Variants in AAK1 observed in about 807,000 individuals in gnomAD.
AAK1 encodes the protein AP2-associated protein kinase 1.
In AAK1, 37 loss-of-function variants were observed where a neutral mutation model predicts 116.0. The observed-to-expected ratio is 0.32, with a 90% CI of 0.25 to 0.42. The LOEUF is 0.42. Ranked by LOEUF, AAK1 falls within the 10% of genes least tolerant of loss-of-function variation. AAK1 has a pLI of 1.00. For synonymous variants in AAK1, 458 were observed against 439.9 expected, an observed-to-expected ratio of 1.04 and a Z score of -0.51; for missense variants, 919 against 1,170.6, an observed-to-expected ratio of 0.79 and a Z score of 3.14.
At position 69,474,388 on chromosome 2, in the gene AAK1, A is replaced by C. The variant is rs1674778376; in HGVS notation, c.*1481T>G. On this transcript the variant is annotated 3_prime_UTR_variant, in exon 22 of 22. Transcript: ENST00000409085. ...CTTTTCAAAAGGGTGATTTTATAAAAGTGCTTTCCACATAAGGAAATAAAA... is the reference window on the plus strand; with the variant it reads ...CTTTTCAAAAGGGTGATTTTATAAACGTGCTTTCCACATAAGGAAATAAAA... 1.0e-6 allele frequency: 1 copy of C among 985,680 alleles called. No individual in the cohort carries two copies. The highest frequency in any genetic ancestry group is 1.2e-6 in the Non-Finnish European group (1 of 829,936). 61.1% of individuals were successfully genotyped at this position (985,680 alleles called of 1,614,324 possible). A position where few individuals can be genotyped will look rare whatever the true frequency, so the allele number is the denominator to read the frequency against.
chr2:69,542,411 A>C, intron 5 of AAK1, 112 bp downstream of exon 5: 1 of 1,327,514 alleles, frequency 7.5e-7, no homozygotes, highest in South Asian at 1.4e-5. Context: ...TAAACATAAA[A>C]ACAGGGACCA....
intron 2 of AAK1, among the ~76,000 whole-genome samples, chr2:69,622,964 A>G (rs981591744): frequency 1.4e-5 from 2 of 147,732 alleles, no homozygotes; most frequent in Admixed American, 1.3e-4. Context: ...AATCAGCAGA[A>G]TGTGGGTGGG....
chr2:69,507,660 C>A, intron 14 of AAK1, 82 bp from the exon 15 acceptor site: 1 of 1,231,138 alleles, frequency 8.1e-7, no homozygotes, highest in Non-Finnish European at 1.1e-6. Context: ...TTCTCTGTTT[C>A]AGAATCAAAT....
Position 69,474,067 on chromosome 2 carries a change from G to C in AAK1, c.*1802C>G. On this transcript the variant is annotated 3_prime_UTR_variant, in exon 22 of 22. Transcript: ENST00000409085. The stretch of plus-strand genomic sequence containing the variant: ...CACGGGAAGTATTTAAAGACAGAAG[G>C]AAGGCTGGAAGATTCAGACTTTTCC... The C allele has an allele frequency of 2.0e-6, 2 of 985,884 alleles. No individual in the cohort carries two copies. Among genetic ancestry groups the C allele is most frequent in the Non-Finnish European group, 2.4e-6 (2 of 829,936 alleles). The allele number at this position is 985,884 out of a possible 1,614,324, so 61.1% of individuals were successfully genotyped here. A position where few individuals can be genotyped will look rare whatever the true frequency, so the allele number is the denominator to read the frequency against.
intron 19 of AAK1, among the ~76,000 whole-genome samples, chr2:69,479,611 T>C (rs1333130956): frequency 6.6e-6 from 1 of 152,182 alleles, no homozygotes; most frequent in Admixed American, 6.5e-5. Flanking sequence ...CTCTGGCTTA[T>C]TATTAGCAGA....
At position 69,514,581 on chromosome 2, in the gene AAK1, G is replaced by C; in HGVS notation, c.1666C>G (p.Leu556Val). Residue 556 changes from leucine (L) to valine (V), a missense_variant, in exon 13 of 22, where the codon CTG becomes GTG. Around this residue, in one of 4 missense-constraint regions of AAK1, gnomAD observed 214 missense variants for 210.6 expected, o/e 1.02. Coordinates refer to ENST00000409085, the MANE Select transcript of AAK1 (RefSeq NM_014911.5). ...TGCAAGGCAGCCTGCTGAGTCATCA[G>C]CTGTTGTTGATGCAGGGCTGTGGCC... ...QLATALHQQQ[L>V]MTQQAALQQK... 1.3e-6 allele frequency: 2 copies of C among 1,576,540 alleles called. No homozygotes were observed. The highest frequency in any genetic ancestry group is 1.7e-6 in the Non-Finnish European group (2 of 1,161,022).
intron 2 of AAK1, among the ~76,000 whole-genome samples, chr2:69,628,975 A>T (rs767190477): frequency 8.5e-5 from 13 of 152,292 alleles, no homozygotes; most frequent in Non-Finnish European, 1.5e-4. Context: ...TCATTTTATA[A>T]CTCAGCTGCT....
chr2:69,500,698 T>TACACACACAC lies in AAK1; in HGVS notation c.2270-4628_2270-4619dup, dbSNP rs563907265. ...ATATATATATATATATATATATATA[T>TACACACACAC]ACACACACACACACACACACACACA... On this transcript the variant is annotated intron_variant, in intron 16 of 21. Transcript: ENST00000409085. 8.6e-4 allele frequency among the ~76,000 whole-genome samples: 56 copies of TACACACACAC among 65,102 alleles called. 1 individual carries two copies. The highest frequency in any genetic ancestry group is 3.9e-3 in the African/African-American group (50 of 12,662). 42.7% of individuals were successfully genotyped at this position (65,102 alleles called of 152,430 possible).
intron 12 of AAK1, 66 bp downstream of exon 12, chr2:69,518,887 AC>A: frequency 6.8e-7 from 1 of 1,469,210 alleles, no homozygotes; most frequent in Non-Finnish European, 9.0e-7. Flanking sequence ...AGACACCTTT[AC>A]CTAGTGGGCC....
chr2:69,532,190 C>T, intron 5 of AAK1, 28 bp from the exon 6 acceptor site: 1 of 1,611,396 alleles, frequency 6.2e-7, no homozygotes. Context: ...ACCACCCATT[C>T]CAAGATATCA....
chr2:69,601,535 G>A (rs1056500521), intron 2 of AAK1, among the ~76,000 whole-genome samples: 3 of 152,306 alleles, frequency 2.0e-5, no homozygotes, highest in Middle Eastern at 6.8e-3. Flanking sequence ...AAACTGGGTG[G>A]ACCCATCTTG....
intron 17 of AAK1, among the ~76,000 whole-genome samples, chr2:69,486,099 C>T (rs1675290924): frequency 6.6e-6 from 1 of 152,028 alleles, no homozygotes; most frequent in African/African-American, 2.4e-5. Context: ...GGGCTACAGG[C>T]ATGTACCACC....
At chr2:69,517,650 AC>A (rs1157552363) in intron 12 of AAK1, among the ~76,000 whole-genome samples, 3 of 152,024 alleles carry the variant, frequency 2.0e-5, no homozygotes, top group Non-Finnish European at 4.4e-5. Context: ...TCGAGAAATT[AC>A]CAGTGTACAC....
Position 69,475,800 on chromosome 2 carries a change from A to AT in AAK1, c.*68dup. On this transcript the variant is annotated 3_prime_UTR_variant, in exon 22 of 22. Transcript: ENST00000409085. The stretch of plus-strand genomic sequence containing the variant: ...TTTTTTTAAAAAAATCATTTTTTTC[A>AT]TAACTCCGTAATGAAAATGTATTTT... 6.6e-7 allele frequency: 1 copy of AT among 1,512,400 alleles called. No homozygotes were observed. The highest frequency in any genetic ancestry group is 8.9e-7 in the Non-Finnish European group (1 of 1,120,646). The allele number at this position is 1,512,400 out of a possible 1,614,324, so 93.7% of individuals were successfully genotyped here.
At chr2:69,634,282 C>T (rs1209149136) in intron 2 of AAK1, among the ~76,000 whole-genome samples, 2 of 152,200 alleles carry the variant, frequency 1.3e-5, no homozygotes, top group African/African-American at 4.8e-5. Flanking sequence ...GGTTCAAGTT[C>T]ATTCACTGCT....
intron 2 of AAK1, among the ~76,000 whole-genome samples, chr2:69,615,081 G>A (rs78346894): frequency 0.046 from 6,956 of 151,992 alleles, 412 homozygotes; most frequent in East Asian, 0.16. Flanking sequence ...CCCCAACCAC[G>A]AGGAAAAAAA....
chr2:69,467,931 T>G lies in AAK1; in HGVS notation c.*7938A>C, dbSNP rs1326974685. On this transcript the variant is annotated 3_prime_UTR_variant, in exon 22 of 22. Coordinates refer to ENST00000409085, the MANE Select transcript of AAK1 (RefSeq NM_014911.5). ...AATCCTATAACTTTTTAGCAGTGCT[T>G]CTTTTTAAACAGTTCTGACCTTAAA... The G allele has an allele frequency of 1.0e-6, 1 of 985,318 alleles. No individual in the cohort carries two copies. Among genetic ancestry groups the G allele is most frequent in the Non-Finnish European group, 1.2e-6 (1 of 829,930 alleles). 61.0% of individuals were successfully genotyped at this position (985,318 alleles called of 1,614,324 possible). A position where few individuals can be genotyped will look rare whatever the true frequency, so the allele number is the denominator to read the frequency against.
intron 2 of AAK1, among the ~76,000 whole-genome samples, chr2:69,620,023 A>C (rs946364666): frequency 1.3e-5 from 2 of 152,142 alleles, no homozygotes; most frequent in African/African-American, 4.8e-5. Context: ...TGGCACTTTA[A>C]AGGCTCACTC....
At chr2:69,490,542 A>G (rs1432433895) in intron 17 of AAK1, among the ~76,000 whole-genome samples, 1 of 152,194 alleles carries the variant, frequency 6.6e-6, no homozygotes, top group East Asian at 1.9e-4. Context: ...ATGATACTAA[A>G]TGAAATAAGC....
Sources: gnomAD v4.1 joint callset for allele counts (sites outside exome capture counted in the v4.1 genomes callset) on GRCh38, gnomAD v4.1.1 for gene constraint, gnomAD v4.1.1 regional missense constraint, MANE v1.5 for transcripts, NCBI Gene and HGNC (gene_info 2026-07-23, HGNC 2026-07-21) for gene names.